RBFOX1: variants seen among roughly 807,000 people sequenced by gnomAD.
The protein encoded by RBFOX1 is RNA binding protein fox-1 homolog 1.
Under a neutral mutation model 57.7 loss-of-function variants are expected in RBFOX1, and 8 were observed. The observed-to-expected ratio is 0.14, with a 90% CI of 0.08 to 0.25. The LOEUF is 0.25. Ranked by LOEUF, RBFOX1 falls within the 10% of genes least tolerant of loss-of-function variation. The probability of loss-of-function intolerance (pLI) is 1.00; values close to 1 mark genes in which losing one functional copy is unlikely to be tolerated. For synonymous variants in RBFOX1, 326 were observed against 222.4 expected (o/e 1.47, Z -4.15); for missense variants, 611 against 548.5 (o/e 1.11, Z -1.14).
chr16:5,314,507 T>A (rs2064178714), intron 1 of RBFOX1, among the ~76,000 whole-genome samples: 1 of 152,164 alleles, frequency 6.6e-6, no homozygotes, highest in South Asian at 2.1e-4. Context: ...ATTTACTCAT[T>A]TTTTCTTTTT....
At chr16:7,685,412 C>T (rs981646348) in intron 14 of RBFOX1, among the ~76,000 whole-genome samples, 1 of 152,098 alleles carries the variant, frequency 6.6e-6, no homozygotes, top group African/African-American at 2.4e-5. Context: ...TGGACGGAAA[C>T]AGTTATTTAT....
intron 4 of RBFOX1, among the ~76,000 whole-genome samples, chr16:7,367,916 A>G (rs1052495035): frequency 6.6e-6 from 1 of 151,960 alleles, no homozygotes; most frequent in Non-Finnish European, 1.5e-5. Context: ...ACACACACAG[A>G]CACTACACAT....
chr16:6,925,363 G>A (rs887241849), intron 3 of RBFOX1, among the ~76,000 whole-genome samples: 2 of 151,546 alleles, frequency 1.3e-5, no homozygotes, highest in Non-Finnish European at 1.5e-5. Context: ...GACCTCAGGC[G>A]ATCTACCTGC....
intron 2 of RBFOX1, among the ~76,000 whole-genome samples, chr16:6,641,835 C>A (rs1223164848): frequency 1.3e-5 from 2 of 151,438 alleles, no homozygotes; most frequent in African/African-American, 4.9e-5. Context: ...CTTGCTCCCT[C>A]CTCGCTAACG....
At position 6,610,647 on chromosome 16, in the gene RBFOX1, A is replaced by G. The variant is rs2098033324; in HGVS notation, c.-63-43956A>G. ...ACCCCACCCGATCAACATTATCCTG[A>G]TTATACATTAACTCAGGTGAGCTTC... is the stretch of plus-strand genomic sequence containing the variant. On this transcript the variant is annotated intron_variant, in intron 2 of 15. Coordinates refer to ENST00000550418, the MANE Select transcript of RBFOX1 (RefSeq NM_018723.4). 4.6e-5 allele frequency among the ~76,000 whole-genome samples: 7 copies of G among 152,280 alleles called. No individual in the cohort carries two copies. The South Asian group carries it at 1.5e-3, about 32-fold the overall frequency.
intron 3 of RBFOX1, among the ~76,000 whole-genome samples, chr16:5,661,347 G>A (rs897644486): frequency 6.6e-6 from 1 of 152,144 alleles, no homozygotes; most frequent in Non-Finnish European, 1.5e-5. Context: ...ATTAAAAGAG[G>A]TATCTGCATG....
chr16:7,699,352 C>G (rs1030783435), intron 14 of RBFOX1, among the ~76,000 whole-genome samples: 27 of 152,170 alleles, frequency 1.8e-4, no homozygotes, highest in Admixed American at 9.8e-4. Context: ...CTACCACACC[C>G]AGCTGATATC....
At chr16:5,854,303 A>T (rs1030648742) in intron 3 of RBFOX1, among the ~76,000 whole-genome samples, 18 of 152,212 alleles carry the variant, frequency 1.2e-4, no homozygotes, top group African/African-American at 4.3e-4. Flanking sequence ...TGCGTAACTG[A>T]AACTTTGTGT....
intron 3 of RBFOX1, among the ~76,000 whole-genome samples, chr16:6,722,942 C>T (rs557710876): frequency 4.6e-5 from 7 of 152,264 alleles, no homozygotes; most frequent in Non-Finnish European, 7.4e-5. Context: ...GGGCCCTCTG[C>T]TTCTAGGCAA....
chr16:6,543,334 C>G (rs1006440008), intron 2 of RBFOX1, among the ~76,000 whole-genome samples: 3 of 152,076 alleles, frequency 2.0e-5, no homozygotes, highest in African/African-American at 7.2e-5. Context: ...TGACTTGACA[C>G]AATGGAAGGG....
intron 4 of RBFOX1, among the ~76,000 whole-genome samples, chr16:7,071,630 C>A (rs531874907): frequency 3.3e-5 from 5 of 150,756 alleles, no homozygotes; most frequent in Non-Finnish European, 7.4e-5. Flanking sequence ...TGTCTGTATA[C>A]ATAACCTGGG....
chr16:7,474,652 T>A (rs1030367970), intron 4 of RBFOX1, among the ~76,000 whole-genome samples: 5 of 152,248 alleles, frequency 3.3e-5, no homozygotes, highest in Non-Finnish European at 5.9e-5. Flanking sequence ...GGACTGGCTT[T>A]CATCCCTTAT....
At chr16:6,002,439 A>G (rs540198295) in intron 4 of RBFOX1, among the ~76,000 whole-genome samples, 1 of 152,314 alleles carries the variant, frequency 6.6e-6, no homozygotes, top group Non-Finnish European at 1.5e-5. Flanking sequence ...CTCACTTTCC[A>G]CATGGCATGC....
At chr16:6,829,503 AC>A (rs1283134609) in intron 3 of RBFOX1, among the ~76,000 whole-genome samples, 19 of 151,878 alleles carry the variant, frequency 1.3e-4, no homozygotes, top group African/African-American at 2.7e-4. Context: ...AAACAAAAAA[AC>A]GTTAACTTAT....
chr16:7,658,332 G>A (rs2066834751), intron 12 of RBFOX1, among the ~76,000 whole-genome samples: 1 of 152,082 alleles, frequency 6.6e-6, no homozygotes, highest in Non-Finnish European at 1.5e-5. Flanking sequence ...AATGGTTGAG[G>A]CACTTGCATT....
At chr16:5,402,148 G>A (rs981426357) in intron 1 of RBFOX1, among the ~76,000 whole-genome samples, 1 of 152,146 alleles carries the variant, frequency 6.6e-6, no homozygotes, top group Admixed American at 6.5e-5. Context: ...CAGAGACCAG[G>A]AGCGGGAAGA....
chr16:6,518,827 C>A, intron 2 of RBFOX1, among the ~76,000 whole-genome samples: 1 of 129,572 alleles, frequency 7.7e-6, no homozygotes, highest in East Asian at 2.3e-4. Context: ...ATCTATCTAT[C>A]TATCTATCTA....
chr16:7,166,969 G>GTTTTT (rs1555527093), intron 4 of RBFOX1, among the ~76,000 whole-genome samples: 3 of 49,862 alleles, frequency 6.0e-5, no homozygotes, highest in African/African-American at 1.8e-4. Context: ...CTGCATTGGT[G>GTTTTT]TTCTTTTTTT....
intron 3 of RBFOX1, among the ~76,000 whole-genome samples, chr16:5,817,639 C>T (rs2055689836): frequency 2.0e-5 from 3 of 150,846 alleles, no homozygotes; most frequent in East Asian, 2.0e-4. Flanking sequence ...GAAAGGGGTT[C>T]ATGAAGATGG....
Sources: gnomAD v4.1 joint callset for allele counts (sites outside exome capture counted in the v4.1 genomes callset) on GRCh38, gnomAD v4.1.1 for gene constraint, MANE v1.5 for transcripts, NCBI Gene and HGNC (gene_info 2026-07-23, HGNC 2026-07-21) for gene names.